The following FHOD3 variants were observed in gnomAD, a reference collection of about 807,000 sequenced individuals.
FHOD3 encodes FH1/FH2 domain-containing protein 3.
Under a neutral mutation model 173.0 loss-of-function variants are expected in FHOD3, and 90 were observed. The ratio of observed to expected loss-of-function variants is 0.52; its 90% CI spans 0.44 to 0.62. The LOEUF is 0.62. FHOD3 is among the 20% of genes least tolerant of loss of function. FHOD3 has a pLI of 0.00. For synonymous variants in FHOD3, 828 were observed against 823.0 expected (o/e 1.01, Z -0.10); for missense variants, 1,945 against 2,034.7 (o/e 0.96, Z 0.85).
chr18:36,305,049 C>T (rs1399596340), intron 1 of FHOD3, among the ~76,000 whole-genome samples: 2 of 152,168 alleles, frequency 1.3e-5, no homozygotes, highest in Non-Finnish European at 2.9e-5. Context: ...CTTATAATTA[C>T]AGTCAACATT....
intron 3 of FHOD3, among the ~76,000 whole-genome samples, chr18:36,494,807 C>G (rs899666367): frequency 6.6e-6 from 1 of 152,196 alleles, no homozygotes; most frequent in African/African-American, 2.4e-5. Flanking sequence ...CCAGTTTGAT[C>G]TCAGCCCCCA....
At chr18:36,368,219 C>A (rs1320060877) in intron 2 of FHOD3, among the ~76,000 whole-genome samples, 1 of 152,096 alleles carries the variant, frequency 6.6e-6, no homozygotes, top group East Asian at 1.9e-4. Flanking sequence ...GGCAGGCTAG[C>A]AGGCTGGAAA....
chr18:36,394,733 C>T (rs1017866617), intron 3 of FHOD3, among the ~76,000 whole-genome samples: 2 of 152,286 alleles, frequency 1.3e-5, no homozygotes, highest in South Asian at 2.1e-4. Context: ...TCAACTATGT[C>T]TCTAGGAAGC....
At chr18:36,674,860 A>G (rs1397908852) in intron 14 of FHOD3, among the ~76,000 whole-genome samples, 3 of 152,202 alleles carry the variant, frequency 2.0e-5, no homozygotes, top group Non-Finnish European at 4.4e-5. Context: ...TCTTATGCAA[A>G]GAAGAGGAAG....
At chr18:36,757,799 A>T (rs1279520269) in intron 25 of FHOD3, among the ~76,000 whole-genome samples, 1 of 152,136 alleles carries the variant, frequency 6.6e-6, no homozygotes, top group African/African-American at 2.4e-5. Context: ...CTAATTCCTC[A>T]TCCTGTGTAC....
chr18:36,755,781 A>T (rs1249537400), intron 25 of FHOD3, among the ~76,000 whole-genome samples: 2 of 152,222 alleles, frequency 1.3e-5, no homozygotes, highest in Non-Finnish European at 2.9e-5. Context: ...CATTGTGGGC[A>T]TCTGAATAAA....
chr18:36,586,480 G>A (rs901090775), intron 6 of FHOD3, among the ~76,000 whole-genome samples: 6 of 144,672 alleles, frequency 4.1e-5, no homozygotes, highest in African/African-American at 1.3e-4. Context: ...TAAAAGATGT[G>A]CATGTTACTT....
In FHOD3 at chr18:36,572,041, T is replaced by C. The variant is rs142132149; in HGVS notation, c.512-4410T>C. Among the ~76,000 whole-genome samples, 82 of 152,344 alleles carry C rather than the reference T, an allele frequency of 5.4e-4. 1 individual carries two copies. The East Asian group carries it at 0.01, about 19-fold the overall frequency. Reference sequence around the variant, plus strand: ...GTTGTTCAGCGTGTGCTTCTGTTCATTGGAGGCACTGTTCTAACTCATTCC... The same window carrying C: ...GTTGTTCAGCGTGTGCTTCTGTTCACTGGAGGCACTGTTCTAACTCATTCC... On this transcript the variant is annotated intron_variant, in intron 5 of 28. Coordinates refer to ENST00000590592, the MANE Select transcript of FHOD3 (RefSeq NM_001281740.3).
At chr18:36,363,908 T>A (rs568045831) in intron 2 of FHOD3, among the ~76,000 whole-genome samples, 2 of 152,052 alleles carry the variant, frequency 1.3e-5, no homozygotes, top group African/African-American at 2.4e-5. Flanking sequence ...AGGGGCAGTG[T>A]GGATATATGA....
chr18:36,655,034 A>C (rs976562449), intron 13 of FHOD3, among the ~76,000 whole-genome samples: 1 of 147,256 alleles, frequency 6.8e-6, no homozygotes, highest in Admixed American at 6.9e-5. Context: ...TTGTGAACTG[A>C]GCTTCTTTTT....
chr18:36,715,460 G>C (rs983047308), intron 18 of FHOD3, among the ~76,000 whole-genome samples: 3 of 152,128 alleles, frequency 2.0e-5, no homozygotes, highest in Non-Finnish European at 2.9e-5. Flanking sequence ...ACCCAGTCTC[G>C]GGCAGCCCTT....
chr18:36,736,824 G>C (rs558931993), intron 20 of FHOD3, among the ~76,000 whole-genome samples: 1 of 152,316 alleles, frequency 6.6e-6, no homozygotes, highest in African/African-American at 2.4e-5. Context: ...ACAGTTCCAG[G>C]CTTGAGGGTG....
At chr18:36,553,489 A>G (rs879680671) in intron 5 of FHOD3, among the ~76,000 whole-genome samples, 2 of 152,182 alleles carry the variant, frequency 1.3e-5, no homozygotes, top group Non-Finnish European at 2.9e-5. Flanking sequence ...TATTGCCTCA[A>G]TTTCAGAGCC....
chr18:36,470,055 G>C (rs967772282), intron 3 of FHOD3, among the ~76,000 whole-genome samples: 4 of 152,230 alleles, frequency 2.6e-5, no homozygotes, highest in Non-Finnish European at 5.9e-5. Context: ...CTGTAGCAGA[G>C]AGCTGGCAGG....
chr18:36,746,907 G>A (rs756989354), intron 23 of FHOD3, 38 bp from the exon 24 acceptor site: 34 of 1,512,990 alleles, frequency 2.2e-5, no homozygotes, highest in Admixed American at 4.2e-5. Flanking sequence ...GGTGTCCGGC[G>A]GTTTCAGTGT....
intron 24 of FHOD3, among the ~76,000 whole-genome samples, chr18:36,752,370 C>A (rs58099133): frequency 6.6e-6 from 1 of 152,146 alleles, no homozygotes; most frequent in African/African-American, 2.4e-5. Context: ...TGTGCCATTG[C>A]CCAAAGTCCA....
chr18:36,676,746 G>C (rs577896903), intron 14 of FHOD3, among the ~76,000 whole-genome samples: 1 of 152,094 alleles, frequency 6.6e-6, no homozygotes, highest in Non-Finnish European at 1.5e-5. Context: ...TGTGGGTTTT[G>C]CTTGCATTCC....
At chr18:36,578,642 C>T (rs534264697) in intron 6 of FHOD3, among the ~76,000 whole-genome samples, 1 of 152,266 alleles carries the variant, frequency 6.6e-6, no homozygotes, top group South Asian at 2.1e-4. Context: ...ACCTGCCTCC[C>T]AAGGATTCTG....
At chr18:36,336,236 A>T (rs1351357844) in intron 1 of FHOD3, among the ~76,000 whole-genome samples, 2 of 152,174 alleles carry the variant, frequency 1.3e-5, no homozygotes, top group Non-Finnish European at 2.9e-5. Context: ...AAGTCCCTTC[A>T]CCTTGAATGC....
Sources: allele counts gnomAD v4.1 joint callset (sites outside exome capture counted in the v4.1 genomes callset), GRCh38; gene constraint gnomAD v4.1.1; transcripts MANE v1.5; gene names NCBI Gene and HGNC (gene_info 2026-07-23, HGNC 2026-07-21).